The following SPIN1 variants were observed in gnomAD, a reference collection of about 807,000 sequenced individuals.
The protein encoded by SPIN1 is spindlin-1.
Under a neutral mutation model 26.0 loss-of-function variants are expected in SPIN1, and 3 were observed. The ratio of observed to expected loss-of-function variants is 0.12; its 90% CI spans 0.05 to 0.30. The LOEUF is 0.30. Among genes scored for constraint, SPIN1 ranks in the 10% least tolerant of loss-of-function variants. The pLI, the probability that SPIN1 is intolerant of heterozygous loss-of-function variation, is 1.00. For missense variants in SPIN1, 126 were observed against 333.4 expected (o/e 0.38, Z 4.84); for synonymous variants, 101 against 116.5 (o/e 0.87, Z 0.86).
At chr9:88,445,823 G>A (rs1828240160) in intron 2 of SPIN1, among the ~76,000 whole-genome samples, 2 of 152,044 alleles carry the variant, frequency 1.3e-5, no homozygotes, top group South Asian at 4.1e-4. Context: ...TTACAGGTGT[G>A]AGCCACCATG....
At chr9:88,410,206 TA>T (rs1302413594) in intron 1 of SPIN1, among the ~76,000 whole-genome samples, 2 of 151,074 alleles carry the variant, frequency 1.3e-5, no homozygotes, top group Admixed American at 1.3e-4. Context: ...TTTTTTTTTT[TA>T]AAGACATTTA....
chr9:88,467,851 AAAAAAAC>A (rs1267447109), intron 4 of SPIN1, among the ~76,000 whole-genome samples: 2 of 145,732 alleles, frequency 1.4e-5, no homozygotes, highest in African/African-American at 2.6e-5. Flanking sequence ...TCTTTAAAAA[AAAAAAAC>A]AAAAAAAAAA....
rs747306017 is a variant in SPIN1, at chr9:88,466,194, T to C, written c.356-2178T>C. 4.6e-5 allele frequency among the ~76,000 whole-genome samples: 7 copies of C among 152,322 alleles called. No homozygotes were observed. In the South Asian group the frequency reaches 1.4e-3, roughly 32 times the overall value. On this transcript the variant is annotated intron_variant, in intron 4 of 5. Transcript: ENST00000375859. Reference sequence around the variant, plus strand: ...TTTTTTTAGAGACAGGATCTCGCTTTGTCACCCAGGCTGGAGTATAGTGGT... The same window carrying C: ...TTTTTTTAGAGACAGGATCTCGCTTCGTCACCCAGGCTGGAGTATAGTGGT...
At chr9:88,462,342 A>G (rs1207203469) in intron 3 of SPIN1, among the ~76,000 whole-genome samples, 154 bp from the exon 4 acceptor site, 2 of 152,104 alleles carry the variant, frequency 1.3e-5, no homozygotes, top group African/African-American at 4.8e-5. Context: ...GAGGACAACC[A>G]CTTTGAGTCA....
In SPIN1 at chr9:88,436,754, C is replaced by CTTTT. The variant is rs776223657; in HGVS notation, c.52+10188_52+10191dup. ...ATATGCACATAAATTTCCTCTGTGT[C>CTTTT]TTTTTTTTTTTTTTTTTTTTTTTTT... On this transcript the variant is annotated intron_variant, in intron 2 of 5. Coordinates refer to ENST00000375859, the MANE Select transcript of SPIN1 (RefSeq NM_006717.3). Among the ~76,000 whole-genome samples the CTTTT allele has an allele frequency of 5.9e-4, 58 of 98,796 alleles. 4 individuals are homozygous for CTTTT. The East Asian group carries it at 7.1e-3, about 12-fold the overall frequency. The allele number at this position is 98,796 out of a possible 152,430, so 64.8% of individuals were successfully genotyped here.
chr9:88,434,642 G>C (rs907521364), intron 2 of SPIN1, among the ~76,000 whole-genome samples: 1 of 152,038 alleles, frequency 6.6e-6, no homozygotes, highest in African/African-American at 2.4e-5. Flanking sequence ...AGTATGTAGA[G>C]CTCTTCCTCA....
chr9:88,453,520 CATT>C (rs1828404697), intron 3 of SPIN1, among the ~76,000 whole-genome samples: 1 of 151,766 alleles, frequency 6.6e-6, no homozygotes, highest in South Asian at 2.1e-4. Context: ...GGCCTTAAAT[CATT>C]GTTGGAATGG....
At chr9:88,415,356 T>C (rs556577464) in intron 1 of SPIN1, among the ~76,000 whole-genome samples, 24 of 152,294 alleles carry the variant, frequency 1.6e-4, no homozygotes, top group Admixed American at 1.6e-3. Flanking sequence ...ATTTTAATCT[T>C]TGAAGTTTTA....
At chr9:88,416,711 C>T (rs1827572669) in intron 1 of SPIN1, 1 of 152,250 alleles carries the variant, frequency 6.6e-6, no homozygotes, top group South Asian at 2.1e-4. Flanking sequence ...GCAACCTCCG[C>T]CTCCTGAGTT....
At chr9:88,471,860 G>A (rs148214892) in intron 5 of SPIN1, among the ~76,000 whole-genome samples, 46 of 151,482 alleles carry the variant, frequency 3.0e-4, no homozygotes, top group African/African-American at 1.0e-3. Flanking sequence ...TGAGACAGTC[G>A]CACTCTGTTG....
At chr9:88,405,349 C>T (rs1318351968) in intron 1 of SPIN1, among the ~76,000 whole-genome samples, 3 of 151,592 alleles carry the variant, frequency 2.0e-5, no homozygotes, top group African/African-American at 7.3e-5. Context: ...CTGCCTCAGC[C>T]TCCCGAGTAG....
chr9:88,411,491 G>A lies in SPIN1; in HGVS notation c.-158-14891G>A, dbSNP rs1165036045. 3 of 907,682 alleles carry A rather than the reference G, an allele frequency of 3.3e-6. No individual in the cohort carries two copies. The Admixed American group carries it at 7.1e-5, about 21-fold the overall frequency. The allele number at this position is 907,682 out of a possible 1,614,324, so 56.2% of individuals were successfully genotyped here. A position where few individuals can be genotyped will look rare whatever the true frequency, so the allele number is the denominator to read the frequency against. On this transcript the variant is annotated intron_variant, in intron 1 of 5. Transcript: ENST00000375859. ...TGGCATGGAGAAGAGAGACTTTAAT[G>A]ATGCTTCAGCGTCATCCATGGGCAG...
chr9:88,429,360 AC>A (rs1448643876), intron 2 of SPIN1, among the ~76,000 whole-genome samples: 1 of 151,988 alleles, frequency 6.6e-6, no homozygotes, highest in East Asian at 1.9e-4. Context: ...GTCCCATAAG[AC>A]CGCTGCTTGC....
intron 1 of SPIN1, among the ~76,000 whole-genome samples, chr9:88,419,257 A>G (rs978047422): frequency 2.0e-5 from 3 of 152,004 alleles, no homozygotes; most frequent in African/African-American, 7.3e-5. Flanking sequence ...ACCCTGACTC[A>G]TTCTGATTTC....
chr9:88,474,429 C>T (rs1391416935), intron 5 of SPIN1, among the ~76,000 whole-genome samples: 1 of 152,136 alleles, frequency 6.6e-6, no homozygotes, highest in African/African-American at 2.4e-5. Context: ...CAGAGATTCC[C>T]TTGTAGTTGT....
At chr9:88,403,894 T>C (rs1827240732) in intron 1 of SPIN1, among the ~76,000 whole-genome samples, 1 of 152,176 alleles carries the variant, frequency 6.6e-6, no homozygotes, top group Admixed American at 6.5e-5. Flanking sequence ...TTCCAGCATG[T>C]GTTGCTTAAT....
At chr9:88,461,025 A>G (rs1471294443) in intron 3 of SPIN1, among the ~76,000 whole-genome samples, 1 of 152,142 alleles carries the variant, frequency 6.6e-6, no homozygotes, top group Non-Finnish European at 1.5e-5. Flanking sequence ...TCCTCAAGAT[A>G]CTTTCGTATG....
At chr9:88,398,059 A>T (rs1041069958) in intron 1 of SPIN1, among the ~76,000 whole-genome samples, 1 of 151,460 alleles carries the variant, frequency 6.6e-6, no homozygotes, top group Non-Finnish European at 1.5e-5. Flanking sequence ...CGTAGCTGAG[A>T]CTACAGGCAT....
At chr9:88,424,334 A>C (rs1228910678) in intron 1 of SPIN1, among the ~76,000 whole-genome samples, 1 of 152,120 alleles carries the variant, frequency 6.6e-6, no homozygotes, top group African/African-American at 2.4e-5. Context: ...TGCACACTTG[A>C]GATACGAGAT....
Sources: gnomAD v4.1 joint callset for allele counts (sites outside exome capture counted in the v4.1 genomes callset) on GRCh38, gnomAD v4.1.1 for gene constraint, MANE v1.5 for transcripts, NCBI Gene and HGNC (gene_info 2026-07-23, HGNC 2026-07-21) for gene names.